ARHGEF26: variants seen among roughly 807,000 people sequenced by gnomAD.
ARHGEF26 encodes Rho guanine nucleotide exchange factor 26.
A neutral mutation model predicts 89.4 loss-of-function variants in ARHGEF26; 59 were observed. The observed-to-expected ratio is 0.66, with a 90% CI of 0.54 to 0.82. The LOEUF is 0.82. Ranked by LOEUF, ARHGEF26 falls within the 40% of genes least tolerant of loss-of-function variation. The pLI, the probability that ARHGEF26 is intolerant of heterozygous loss-of-function variation, is 0.00. For synonymous variants in ARHGEF26, 500 were observed against 428.4 expected, an observed-to-expected ratio of 1.17 and a Z score of -2.06; for missense variants, 1,234 against 1,085.6, an observed-to-expected ratio of 1.14 and a Z score of -1.92.
intron 4 of ARHGEF26, among the ~76,000 whole-genome samples, chr3:154,132,517 G>A (rs1718741124): frequency 6.6e-6 from 1 of 152,042 alleles, no homozygotes; most frequent in Non-Finnish European, 1.5e-5. Flanking sequence ...CTTTTTAGAA[G>A]CTCATCTGCT....
In ARHGEF26 at chr3:154,200,271, T is replaced by G. The variant is rs556894970; in HGVS notation, c.1845+5553T>G. 2.6e-5 allele frequency among the ~76,000 whole-genome samples: 4 copies of G among 152,314 alleles called. No homozygotes were observed. The South Asian group carries it at 8.3e-4, about 32-fold the overall frequency. ...AGATAGGGGTATAGTTTTATTCTTC[T>G]GCATATGGATATTCAGTTTTCTCAG... On this transcript the variant is annotated intron_variant, in intron 9 of 14. Coordinates refer to ENST00000465093, the MANE Select transcript of ARHGEF26 (RefSeq NM_015595.4).
intron 9 of ARHGEF26, among the ~76,000 whole-genome samples, chr3:154,200,853 G>C (rs529116594): frequency 2.0e-4 from 31 of 151,844 alleles, no homozygotes; most frequent in African/African-American, 7.2e-4. Flanking sequence ...TGTGGCTATT[G>C]TAAATGAGAT....
chr3:154,243,335 A>T (rs1717590051), intron 12 of ARHGEF26, among the ~76,000 whole-genome samples: 1 of 152,004 alleles, frequency 6.6e-6, no homozygotes, highest in Non-Finnish European at 1.5e-5. Context: ...GTTTACAAGG[A>T]TTGTTTGTTC....
intron 11 of ARHGEF26, among the ~76,000 whole-genome samples, chr3:154,229,449 C>G (rs928421050): frequency 1.4e-4 from 21 of 152,292 alleles, no homozygotes; most frequent in African/African-American, 5.1e-4. Context: ...TACCAGATTT[C>G]AAAAGGATAC....
chr3:154,230,840 A>G (rs1716784252), intron 11 of ARHGEF26, among the ~76,000 whole-genome samples: 1 of 152,098 alleles, frequency 6.6e-6, no homozygotes, highest in Admixed American at 6.5e-5. Context: ...ATAGCAAACT[A>G]CTAGGTCATT....
Position 154,255,447 on chromosome 3 carries a change from T to C in ARHGEF26, c.2590T>C (p.Leu864=), listed in dbSNP as rs201707250. Residue 864 remains leucine (L), a synonymous_variant, in exon 15 of 15, where the codon TTG becomes CTG. Transcript: ENST00000465093. The part of the protein sequence containing the change: ...IDKNVERMGR[L]LGLETNV ...TAAGAATGTGGAGAGAATGGGACGC[T>C]TGCTAGGACTGGAGACCAACGTGTA... The C allele has an allele frequency of 2.5e-4, 406 of 1,613,648 alleles. No individual in the cohort carries two copies. Among genetic ancestry groups the C allele is most frequent in the Admixed American group, 3.0e-4 (18 of 59,956 alleles).
rs1399479048 is a variant in ARHGEF26, at chr3:154,217,862, T to G, written c.1846-7T>G. 1 of 1,588,878 alleles carries G rather than the reference T, an allele frequency of 6.3e-7. No homozygotes were observed. The highest frequency in any genetic ancestry group is 1.2e-5 in the South Asian group (1 of 86,762). On this transcript the variant is annotated splice_region_variant and splice_polypyrimidine_tract_variant and intron_variant, in intron 9 of 14. Transcript: ENST00000465093. ...CTTTAACCCTCGTTACTCTTCTGTG[T>G]TCCCAGTTGGTTCGACTATGCAATG...
At chr3:154,153,681 A>G (rs1720157324) in intron 6 of ARHGEF26, among the ~76,000 whole-genome samples, 1 of 152,110 alleles carries the variant, frequency 6.6e-6, no homozygotes, top group Admixed American at 6.6e-5. Context: ...AATGCCATTC[A>G]TATACTGTTC....
chr3:154,156,980 A>G (rs1185858722), intron 6 of ARHGEF26, among the ~76,000 whole-genome samples: 2 of 152,144 alleles, frequency 1.3e-5, no homozygotes, highest in African/African-American at 4.8e-5. Flanking sequence ...CTGGACATCC[A>G]AATTAACAGT....
chr3:154,244,170 C>A (rs982432014), intron 12 of ARHGEF26, among the ~76,000 whole-genome samples: 2 of 152,136 alleles, frequency 1.3e-5, no homozygotes, highest in African/African-American at 4.8e-5. Flanking sequence ...ACTCTTTGAC[C>A]TGAAAAATAA....
intron 4 of ARHGEF26, among the ~76,000 whole-genome samples, chr3:154,138,850 T>C (rs978003780): frequency 2.6e-5 from 4 of 152,188 alleles, no homozygotes; most frequent in African/African-American, 7.2e-5. Context: ...AAGAACAGAC[T>C]CCACCTTGCA....
chr3:154,159,997 C>G (rs966116384), intron 6 of ARHGEF26, among the ~76,000 whole-genome samples: 1 of 152,018 alleles, frequency 6.6e-6, no homozygotes, highest in Non-Finnish European at 1.5e-5. Context: ...TAAACTTACC[C>G]CAGAGTCTTT....
intron 11 of ARHGEF26, among the ~76,000 whole-genome samples, chr3:154,233,465 A>G (rs1237524245): frequency 6.6e-6 from 1 of 152,188 alleles, no homozygotes; most frequent in Non-Finnish European, 1.5e-5. Context: ...TCTACAGAAC[A>G]CTTTTTCTCA....
intron 5 of ARHGEF26, 142 bp downstream of exon 5, chr3:154,149,587 A>G: frequency 4.4e-6 from 3 of 686,898 alleles, no homozygotes; most frequent in Non-Finnish European, 6.7e-6. Flanking sequence ...GTAAGTGATC[A>G]TTTTAATGTA....
intron 4 of ARHGEF26, among the ~76,000 whole-genome samples, chr3:154,140,225 G>A (rs886093393): frequency 2.6e-5 from 4 of 152,240 alleles, no homozygotes; most frequent in African/African-American, 9.6e-5. Context: ...GAGACTTATT[G>A]TGTACCAGGA....
chr3:154,192,948 T>G (rs1480336121), intron 8 of ARHGEF26, among the ~76,000 whole-genome samples: 1 of 152,198 alleles, frequency 6.6e-6, no homozygotes, highest in Non-Finnish European at 1.5e-5. Context: ...TTGAGAAAAT[T>G]ACTTGTATGG....
chr3:154,127,711 C>G (rs929149149), intron 3 of ARHGEF26, among the ~76,000 whole-genome samples: 1 of 150,186 alleles, frequency 6.7e-6, no homozygotes, highest in African/African-American at 2.5e-5. Context: ...TATCAAGTAT[C>G]ATGAACTGTA....
intron 4 of ARHGEF26, among the ~76,000 whole-genome samples, chr3:154,136,841 A>G (rs901167306): frequency 6.6e-6 from 1 of 152,152 alleles, no homozygotes; most frequent in Non-Finnish European, 1.5e-5. Flanking sequence ...TTATTTTTTT[A>G]CTTTAGATGG....
At chr3:154,168,100 TTC>T (rs1712161929) in intron 6 of ARHGEF26, among the ~76,000 whole-genome samples, 1 of 152,218 alleles carries the variant, frequency 6.6e-6, no homozygotes, top group Non-Finnish European at 1.5e-5. Flanking sequence ...AATAAACTAC[TTC>T]CATGGAATTT....
Sources: gnomAD v4.1 joint callset for allele counts (sites outside exome capture counted in the v4.1 genomes callset) on GRCh38, gnomAD v4.1.1 for gene constraint, MANE v1.5 for transcripts, NCBI Gene and HGNC (gene_info 2026-07-23, HGNC 2026-07-21) for gene names.